The following ANO1 variants were observed in gnomAD, a reference collection of about 807,000 sequenced individuals.
ANO1 encodes anoctamin 1.
ANO1 carries 59 observed loss-of-function variants against 124.0 expected under a neutral mutation model. The ratio of observed to expected loss-of-function variants is 0.48; its 90% CI spans 0.39 to 0.59. The LOEUF is 0.59. ANO1 is among the 20% of genes least tolerant of loss of function. The pLI is 0.00. For synonymous variants in ANO1, 529 were observed against 532.0 expected, an observed-to-expected ratio of 0.99 and a Z score of 0.08; for missense variants, 1,059 against 1,328.0, an observed-to-expected ratio of 0.80 and a Z score of 3.15.
chr11:70,164,319 GT>G (rs2048170131), intron 19 of ANO1, among the ~76,000 whole-genome samples: 1 of 152,222 alleles, frequency 6.6e-6, no homozygotes. Context: ...TGGACATCAG[GT>G]ACAGGATTAT....
chr11:70,132,215 G>A, intron 11 of ANO1, 136 bp downstream of exon 11: 2 of 1,181,224 alleles, frequency 1.7e-6, no homozygotes, highest in South Asian at 3.1e-5. Flanking sequence ...GGGGGCTGGT[G>A]GAAACGACCC....
intron 1 of ANO1, among the ~76,000 whole-genome samples, chr11:70,073,192 C>A (rs2044003475): frequency 6.6e-6 from 1 of 152,104 alleles, no homozygotes; most frequent in South Asian, 2.1e-4. Context: ...TGGGCAGGTG[C>A]TGTCCCGCTG....
At chr11:70,185,232 T>C (rs1237308600) in intron 24 of ANO1, among the ~76,000 whole-genome samples, 1 of 152,200 alleles carries the variant, frequency 6.6e-6, no homozygotes, top group Non-Finnish European at 1.5e-5. Context: ...GTGAGACCTT[T>C]TGGGAACAAA....
At chr11:70,139,760 A>G (rs2047081841) in intron 11 of ANO1, among the ~76,000 whole-genome samples, 2 of 152,244 alleles carry the variant, frequency 1.3e-5, no homozygotes, top group South Asian at 4.1e-4. Context: ...TCCTTTGGGC[A>G]TATACCCAGT....
intron 10 of ANO1, among the ~76,000 whole-genome samples, chr11:70,127,698 A>C (rs2509165): frequency 6.8e-6 from 1 of 146,320 alleles, no homozygotes. Flanking sequence ...CCCTGTAGCC[A>C]AAAAAAAAAA....
upstream of ANO1, among the ~76,000 whole-genome samples, chr11:69,985,339 G>C (rs1554996745): frequency 7.3e-6 from 1 of 136,924 alleles, no homozygotes; most frequent in African/African-American, 2.6e-5. Flanking sequence ...GGGAACCCGG[G>C]GAGGGGAGGG....
intron 1 of ANO1, among the ~76,000 whole-genome samples, chr11:70,059,270 G>T (rs899105371): frequency 2.8e-5 from 4 of 144,148 alleles, no homozygotes; most frequent in South Asian, 2.3e-4. Flanking sequence ...AGAATGGCAT[G>T]AACCTGGGAG....
intron 1 of ANO1, among the ~76,000 whole-genome samples, chr11:70,042,551 G>GAGAT (rs1857201121): frequency 6.7e-6 from 1 of 149,276 alleles, no homozygotes; most frequent in South Asian, 2.1e-4. Flanking sequence ...GAGAGATTGA[G>GAGAT]AGAGAGAGAG....
chr11:70,029,423 G>T (rs536389071), intron 1 of ANO1, among the ~76,000 whole-genome samples: 29 of 152,244 alleles, frequency 1.9e-4, no homozygotes, highest in Non-Finnish European at 3.4e-4. Flanking sequence ...TTTGTAGGGG[G>T]TGTTTCCTGG....
chr11:70,104,962 G>C (rs1261810350), intron 4 of ANO1, among the ~76,000 whole-genome samples: 1 of 152,146 alleles, frequency 6.6e-6, no homozygotes, highest in East Asian at 1.9e-4. Flanking sequence ...CTGATTCCTA[G>C]AGCGGACAGG....
At chr11:70,025,838 GAT>G (rs1856891021) in intron 1 of ANO1, among the ~76,000 whole-genome samples, 7 of 148,966 alleles carry the variant, frequency 4.7e-5, no homozygotes, top group Admixed American at 6.7e-5. Flanking sequence ...TGGTGGTGAT[GAT>G]GATGATGGTG....
At chr11:70,047,088 A>AG (rs1555005749) in intron 1 of ANO1, among the ~76,000 whole-genome samples, 1 of 136,052 alleles carries the variant, frequency 7.4e-6, no homozygotes, top group East Asian at 2.5e-4. Context: ...CTCAAAAAAA[A>AG]AAAAAAAAAG....
intron 1 of ANO1, among the ~76,000 whole-genome samples, chr11:69,991,369 G>A (rs1037747846): frequency 1.3e-5 from 2 of 152,208 alleles, no homozygotes; most frequent in African/African-American, 4.8e-5. Flanking sequence ...ACATTCACGA[G>A]GAGACAGACT....
intron 1 of ANO1, among the ~76,000 whole-genome samples, chr11:70,041,544 G>T (rs1317001113): frequency 6.6e-6 from 1 of 152,186 alleles, no homozygotes; most frequent in Non-Finnish European, 1.5e-5. Context: ...TATGTAGAAA[G>T]AACTAAACTG....
At chr11:69,988,231 G>A (rs1647137464) in intron 1 of ANO1, among the ~76,000 whole-genome samples, 1 of 152,168 alleles carries the variant, frequency 6.6e-6, no homozygotes, top group African/African-American at 2.4e-5. Flanking sequence ...AAAGAGGTCT[G>A]GGTTCCCACT....
Position 70,058,833 on chromosome 11 carries a change from G to T in ANO1, c.59-19709G>T, listed in dbSNP as rs186726415. On this transcript the variant is annotated intron_variant, in intron 1 of 27. Coordinates refer to the ANO1 transcript ENST00000531349. ...ATTGAAGACGGTAAGGGGTATGAAGGTTCCACTGAATACCGAGAGCCTGAG... is the reference window on the plus strand; with the variant it reads ...ATTGAAGACGGTAAGGGGTATGAAGTTTCCACTGAATACCGAGAGCCTGAG... Among the ~76,000 whole-genome samples, 13 of 152,238 alleles carry T rather than the reference G, an allele frequency of 8.5e-5. No homozygotes were observed. In the East Asian group the frequency reaches 9.7e-4, roughly 11 times the overall value.
intron 24 of ANO1, among the ~76,000 whole-genome samples, chr11:70,183,068 C>T (rs6592469): frequency 0.18 from 27,365 of 152,084 alleles, 2,792 homozygotes; most frequent in African/African-American, 0.27. Context: ...ATGATCGCAC[C>T]ACTGCACTCC....
intron 22 of ANO1, among the ~76,000 whole-genome samples, chr11:70,174,565 G>A (rs2048612890): frequency 6.6e-6 from 1 of 152,252 alleles, no homozygotes; most frequent in South Asian, 2.1e-4. Flanking sequence ...GCATCACAGA[G>A]CTGCCTCCAA....
At chr11:70,020,022 C>T (rs1555002473) in intron 1 of ANO1, among the ~76,000 whole-genome samples, 1 of 152,190 alleles carries the variant, frequency 6.6e-6, no homozygotes, top group Non-Finnish European at 1.5e-5. Context: ...CCCCCGGACC[C>T]TCCAAGGTTG....
Sources: allele counts gnomAD v4.1 joint callset (sites outside exome capture counted in the v4.1 genomes callset), GRCh38; gene constraint gnomAD v4.1.1; transcripts MANE v1.5; gene names NCBI Gene and HGNC (gene_info 2026-07-23, HGNC 2026-07-21).